TNS1: variants seen among roughly 807,000 people sequenced by gnomAD.
TNS1 encodes the protein tensin 1, also known as tensin-1.
TNS1 carries 62 observed loss-of-function variants against 168.6 expected under a neutral mutation model. The observed-to-expected ratio is 0.37, with a 90% CI of 0.30 to 0.45. The LOEUF (loss-of-function observed/expected upper bound fraction) is 0.45, where lower values mean the gene tolerates loss of function less well. Ranked by LOEUF, TNS1 falls within the 20% of genes least tolerant of loss-of-function variation. TNS1 has a pLI of 1.00. For missense variants in TNS1, 2,240 were observed against 2,339.4 expected (o/e 0.96, Z 0.88); for synonymous variants, 934 against 933.2 (o/e 1.00, Z -0.02).
At chr2:218,022,416 C>A (rs1298811166) in intron 1 of TNS1, among the ~76,000 whole-genome samples, 6 of 152,210 alleles carry the variant, frequency 3.9e-5, no homozygotes, top group Admixed American at 2.0e-4. Context: ...TCCCTGAATC[C>A]TTTCAAGACC....
At position 217,848,248 on chromosome 2, in the gene TNS1, C is replaced by T; in HGVS notation, c.2269G>A (p.Ala757Thr). The change falls in exon 19 of 33, where the codon GCT (alanine) becomes ACT (threonine). Residue 757 changes from alanine (A) to threonine (T), a missense_variant. Ala to Thr is a moderately conservative substitution (Grantham distance 58). Coordinates refer to ENST00000682258, the MANE Select transcript of TNS1 (RefSeq NM_001387777.1). ...CGGCTGCTTCCCCCTCGGACCGGAG[C>T]TGGGGGCAGCTGGGGTTCAGCTTCC... Reference protein sequence around the residue: ...FSEAEPQLPPAPVRGGSSREA... With the variant: ...FSEAEPQLPPTPVRGGSSREA... 6.4e-7 allele frequency: 1 copy of T among 1,556,436 alleles called. No individual in the cohort carries two copies. Among genetic ancestry groups the T allele is most frequent in the Non-Finnish European group, 8.7e-7 (1 of 1,151,272 alleles).
Position 217,893,550 on chromosome 2 carries a change from A to G in TNS1, c.606T>C (p.Phe202=). Residue 202 remains phenylalanine (F), a synonymous_variant, in exon 10 of 33, where the codon TTT becomes TTC. Transcript: ENST00000682258. ...ITKLHAKVLE[F]GWPDLHTPAL... ...CTGGGGTGTGGAGGTCGGGCCAGCC[A>G]AATTCCAGTACCTGTGGCCCAAGCC... 1 of 1,610,894 alleles carries G rather than the reference A, an allele frequency of 6.2e-7. No homozygotes were observed. Among genetic ancestry groups the G allele is most frequent in the East Asian group, 2.2e-5 (1 of 44,826 alleles).
chr2:218,028,228 C>A (rs981040849), intron 1 of TNS1, among the ~76,000 whole-genome samples: 2 of 152,210 alleles, frequency 1.3e-5, no homozygotes, highest in Non-Finnish European at 2.9e-5. Flanking sequence ...AGCTGGCCCC[C>A]ACTGGCCTTA....
chr2:217,850,447 T>G, intron 18 of TNS1: 1 of 985,138 alleles, frequency 1.0e-6, no homozygotes. Context: ...AGCAACACTT[T>G]CTCTGGAAGG....
rs146788883 is a variant in TNS1 at position 217,818,930 on chromosome 2, A to G, written c.3573-171T>C. Among the ~76,000 whole-genome samples, 124 of 152,352 alleles carry G rather than the reference A, an allele frequency of 8.1e-4. 1 individual carries two copies. Among genetic ancestry groups the G allele is most frequent in the African/African-American group, 2.8e-3 (118 of 41,576 alleles). On this transcript the variant is annotated intron_variant, in intron 23 of 32. Transcript: ENST00000682258. ...GTTACCTTACAGAACCATCAGAAGA[A>G]GAAACTGAGGCTCAGGGAGGTTAAG...
At chr2:217,933,898 C>A (rs922297979) in intron 3 of TNS1, among the ~76,000 whole-genome samples, 5 of 152,166 alleles carry the variant, frequency 3.3e-5, no homozygotes, top group Non-Finnish European at 7.3e-5. Context: ...GGGGTGGAAG[C>A]ACAGGTAGCT....
chr2:217,854,865 C>T (rs3828291), intron 18 of TNS1, among the ~76,000 whole-genome samples: 44,953 of 152,006 alleles, frequency 0.3, 6,817 homozygotes, highest in Middle Eastern at 0.39. Context: ...CGCCTTCCCA[C>T]CCCACCTCGG....
At chr2:217,919,428 C>T (rs1443511657) in intron 4 of TNS1, among the ~76,000 whole-genome samples, 1 of 152,270 alleles carries the variant, frequency 6.6e-6, no homozygotes, top group East Asian at 1.9e-4. Flanking sequence ...CACACCCACA[C>T]ACCTGTACAC....
In TNS1 at chr2:217,833,152, G is replaced by A. The variant is rs534296349; in HGVS notation, c.3281-1605C>T. On this transcript the variant is annotated intron_variant, in intron 21 of 32. Transcript: ENST00000682258. ...AACCACGAAGCAGCCCCAGCCCACAGGTACGCGCATGTTTAACCAACTGGT... is the reference window on the plus strand; with the variant it reads ...AACCACGAAGCAGCCCCAGCCCACAAGTACGCGCATGTTTAACCAACTGGT... Among the ~76,000 whole-genome samples, 4 of 152,368 alleles carry A rather than the reference G, an allele frequency of 2.6e-5. No individual in the cohort carries two copies. In the South Asian group the frequency reaches 8.3e-4, roughly 32 times the overall value.
At chr2:217,817,130 C>T in intron 24 of TNS1, among the ~76,000 whole-genome samples, 1 of 152,082 alleles carries the variant, frequency 6.6e-6, no homozygotes, top group Non-Finnish European at 1.5e-5. Flanking sequence ...CAAGGTCATG[C>T]TAAATATGAC....
intron 18 of TNS1, among the ~76,000 whole-genome samples, chr2:217,860,262 G>A (rs1948660159): frequency 6.6e-6 from 1 of 152,094 alleles, no homozygotes; most frequent in Non-Finnish European, 1.5e-5. Flanking sequence ...TTCTTTGAGG[G>A]TAAAGAAAGA....
intron 18 of TNS1, chr2:217,879,421 C>T (rs1004429335): frequency 3.3e-5 from 15 of 454,090 alleles, no homozygotes; most frequent in East Asian, 7.1e-5. Flanking sequence ...GGCCGCTCAG[C>T]GCCCGGGGAT....
rs35026780 is a variant in TNS1, at chr2:217,920,563, A to ATTTTTTTTTTT, written c.187-338_187-328dup. On this transcript the variant is annotated intron_variant, in intron 3 of 32. Transcript: ENST00000682258. The stretch of plus-strand genomic sequence containing the variant: ...GAAGCTTCAGGTAATAAGAAGAAGG[A>ATTTTTTTTTTT]TTTTTTTTTTTTTTTTTTGCTCTAT... Among the ~76,000 whole-genome samples, 1,310 of 135,724 alleles carry ATTTTTTTTTTT rather than the reference A, an allele frequency of 9.7e-3. 7 individuals carry two copies. The highest frequency in any genetic ancestry group is 0.015 in the Non-Finnish European group (947 of 61,648). 89.0% of individuals were successfully genotyped at this position (135,724 alleles called of 152,430 possible).
chr2:217,927,691 C>T (rs1956104217), intron 3 of TNS1, among the ~76,000 whole-genome samples: 1 of 152,178 alleles, frequency 6.6e-6, no homozygotes, highest in South Asian at 2.1e-4. Flanking sequence ...ACAAAACACA[C>T]ATTTGCAGTG....
Position 217,847,737 on chromosome 2 carries a change from A to G in TNS1, c.2780T>C (p.Leu927Ser). The stretch of plus-strand genomic sequence containing the variant: ...ATGGAAATCCTGGTTAGGCCCAGCC[A>G]AACATGGCTGATAGTCATAAGGTGA... ...SYSPYDYQPC[L>S]AGPNQDFHSK... is the part of the protein sequence containing the mutation. Residue 927 changes from leucine (L) to serine (S), a missense_variant, in exon 19 of 33, where the codon TTG becomes TCG. Coordinates refer to ENST00000682258, the MANE Select transcript of TNS1 (RefSeq NM_001387777.1). 2 of 1,608,454 alleles carry G rather than the reference A, an allele frequency of 1.2e-6. No homozygotes were observed. The highest frequency in any genetic ancestry group is 1.7e-6 in the Non-Finnish European group (2 of 1,175,520).
chr2:217,961,258 C>CAGAGAG (rs746086984), intron 3 of TNS1, among the ~76,000 whole-genome samples: 9,898 of 134,356 alleles, frequency 0.074, 393 homozygotes, highest in Non-Finnish European at 0.087. Context: ...CACACACACA[C>CAGAGAG]ACAGAGAGAG....
intron 6 of TNS1, among the ~76,000 whole-genome samples, chr2:217,901,105 T>G (rs1952922212): frequency 6.6e-6 from 1 of 152,122 alleles, no homozygotes; most frequent in Non-Finnish European, 1.5e-5. Flanking sequence ...ACAGTAACCA[T>G]CTCACCCACT....
chr2:217,821,763 G>T lies in TNS1; in HGVS notation c.3549C>A (p.Ser1183Arg). 6.7e-7 allele frequency: 1 copy of T among 1,498,992 alleles called. No individual in the cohort carries two copies. The highest frequency in any genetic ancestry group is 8.9e-7 in the Non-Finnish European group (1 of 1,127,348). 92.9% of individuals were successfully genotyped at this position (1,498,992 alleles called of 1,614,324 possible). A position where few individuals can be genotyped will look rare whatever the true frequency, so the allele number is the denominator to read the frequency against. ...ACCTGTCAGCACTGAGGATGGGGCT[G>T]CTGGTGGAGAGGGGGCTGGGGGAGA... ...SFVSPSPLSTSSPILSADSTS... is the reference protein window; with the variant it reads ...SFVSPSPLSTRSPILSADSTS... The change falls in exon 23 of 33, where the codon AGC (serine) becomes AGA (arginine). Residue 1183 changes from serine to arginine, a missense_variant. This residue lies in a region of TNS1 where 2,131 missense variants were observed against 2,171.2 expected (regional missense o/e 0.98). Transcript: ENST00000682258.
intron 18 of TNS1, among the ~76,000 whole-genome samples, chr2:217,854,467 A>G (rs2125485985): frequency 6.6e-6 from 1 of 152,336 alleles, no homozygotes; most frequent in Non-Finnish European, 1.5e-5. Flanking sequence ...AGTCCAGCAA[A>G]TAACAATTCA....
Sources: allele counts gnomAD v4.1 joint callset (sites outside exome capture counted in the v4.1 genomes callset), GRCh38; gene constraint gnomAD v4.1.1; regional missense constraint gnomAD v4.1.1; transcripts MANE v1.5; gene names NCBI Gene and HGNC (gene_info 2026-07-23, HGNC 2026-07-21).